LETMD1: variants seen among roughly 807,000 people sequenced by gnomAD.
LETMD1 encodes LETM1 domain-containing protein 1.
Under a neutral mutation model 43.9 loss-of-function variants are expected in LETMD1, and 30 were observed. The ratio of observed to expected loss-of-function variants is 0.68; its 90% CI spans 0.51 to 0.93. The LOEUF (loss-of-function observed/expected upper bound fraction) is 0.93, where lower values mean the gene tolerates loss of function less well. LETMD1 is among the 40% of genes least tolerant of loss of function. The pLI, the probability that LETMD1 is intolerant of heterozygous loss-of-function variation, is 0.00. For missense variants in LETMD1, 413 were observed against 447.7 expected (o/e 0.92, Z 0.70); for synonymous variants, 176 against 163.1 (o/e 1.08, Z -0.60).
chr12:51,055,689 AAC>A, intron 4 of LETMD1, 144 bp from the exon 5 acceptor site: 65 of 453,780 alleles, frequency 1.4e-4, no homozygotes, highest in Middle Eastern at 5.2e-4. Context: ...AAAAAAAAAA[AAC>A]TGAAAAAGAA....
Position 51,059,407 on chromosome 12 carries a change from CAACT to C in LETMD1, c.1061_1064del (p.Asn354ThrfsTer8). On this transcript the variant is annotated frameshift_variant, in exon 9 of 9. Transcript: ENST00000262055. LOFTEE classifies it high-confidence loss of function. ...TGCACAACGTGGTCCTGCTCTCCAC[CAACT>C]ACCTTGGGACAAGGCGCTGAATGAA... The C allele has an allele frequency of 6.2e-7, 1 of 1,614,184 alleles. No homozygotes were observed. Among genetic ancestry groups the C allele is most frequent in the Non-Finnish European group, 8.5e-7 (1 of 1,179,998 alleles).
At chr12:51,068,761 C>T in the LETMD1 span, among the ~76,000 whole-genome samples, 3 of 152,146 alleles carry the variant, frequency 2.0e-5, no homozygotes, top group East Asian at 3.9e-4. Flanking sequence ...CTTGCACCCA[C>T]TGAATGCAAA....
At chr12:51,057,146 G>A (rs1327245678) in intron 7 of LETMD1, among the ~76,000 whole-genome samples, 4 of 152,108 alleles carry the variant, frequency 2.6e-5, no homozygotes, top group African/African-American at 9.7e-5. Flanking sequence ...GCTGAGACAT[G>A]AGAATTGCTT....
downstream of LETMD1, chr12:51,062,995 A>G (rs1937723227): frequency 6.6e-6 from 1 of 152,290 alleles, no homozygotes; most frequent in African/African-American, 2.4e-5. Context: ...TCGTTATACC[A>G]TATCCCCAGC....
At chr12:51,048,697 C>T in intron 1 of LETMD1, 1 of 628,748 alleles carries the variant, frequency 1.6e-6, no homozygotes, top group South Asian at 2.0e-5. Context: ...CCCGCGTGTC[C>T]TGAGCTCATC....
the LETMD1 span, among the ~76,000 whole-genome samples, chr12:51,065,668 C>T: frequency 1.3e-5 from 2 of 152,000 alleles, no homozygotes; most frequent in Non-Finnish European, 2.9e-5. Context: ...CTATGTTGCC[C>T]AGGCTGGCCT....
At chr12:51,064,008 G>T, downstream of LETMD1, 1 of 1,614,218 alleles carries the variant, frequency 6.2e-7, no homozygotes, top group African/African-American at 1.3e-5. Flanking sequence ...CACGAGTGAG[G>T]TAACAGGGAG....
intron 7 of LETMD1, 175 bp from the exon 8 acceptor site, chr12:51,057,856 AC>A: frequency 1.5e-6 from 1 of 652,684 alleles, no homozygotes; most frequent in Non-Finnish European, 2.8e-6. Context: ...CCAACTCCTG[AC>A]CTCGTGATCC....
the LETMD1 span, among the ~76,000 whole-genome samples, chr12:51,065,956 A>G: frequency 6.6e-6 from 1 of 152,252 alleles, no homozygotes; most frequent in Non-Finnish European, 1.5e-5. Context: ...TAAGTTCCAG[A>G]TAAATTTCAT....
downstream of LETMD1, chr12:51,064,724 A>G: frequency 7.0e-7 from 1 of 1,420,004 alleles, no homozygotes. Context: ...CTAACAATGG[A>G]GACAGGAGAC....
intron 3 of LETMD1, among the ~76,000 whole-genome samples, chr12:51,053,099 C>T (rs778156765): frequency 7.4e-6 from 1 of 135,766 alleles, no homozygotes; most frequent in African/African-American, 2.6e-5. Flanking sequence ...GTGATAAGAG[C>T]AAAACTCTGT....
downstream of LETMD1, chr12:51,062,180 T>G (rs541939684): frequency 3.3e-4 from 50 of 152,346 alleles, no homozygotes; most frequent in African/African-American, 1.1e-3. Flanking sequence ...ACATACGTGA[T>G]GGTTTCTGTA....
rs1592509743 is a variant in LETMD1 at position 51,048,560 on chromosome 12, A to C, written c.122+82A>C. ...AACCTTGCTTGCATTCTGTCTCTTA[A>C]TTCTCAGAGTTCCACGCCTTGGCCC... On this transcript the variant is annotated intron_variant, in intron 1 of 8. Transcript: ENST00000262055. The C allele has an allele frequency of 4.5e-6, 7 of 1,541,154 alleles. No individual in the cohort carries two copies. The East Asian group carries it at 1.6e-4, about 35-fold the overall frequency.
downstream of LETMD1, chr12:51,063,829 C>A: frequency 6.2e-7 from 1 of 1,613,550 alleles, no homozygotes; most frequent in Non-Finnish European, 8.5e-7. Flanking sequence ...ATCCCACAGC[C>A]CTCTTCATTG....
chr12:51,067,429 C>T, the LETMD1 span, among the ~76,000 whole-genome samples: 1 of 152,154 alleles, frequency 6.6e-6, no homozygotes, highest in Admixed American at 6.6e-5. The surrounding 1 kb of genome is among the most constrained non-coding windows in gnomAD (Gnocchi z 4.1). Context: ...GCAGCCTTGA[C>T]CTCCTGGACT....
In LETMD1 at chr12:51,056,193, A is replaced by T; in HGVS notation, c.710A>T (p.Glu237Val). ...PAIHDILALR[E>V]CFSNHPLGMN... Reference sequence around the variant, plus strand: ...ATACATGATATCTTGGCTCTGAGAGAGTGTTTCTCTAACCATCCTCTGGGC... The same window carrying T: ...ATACATGATATCTTGGCTCTGAGAGTGTGTTTCTCTAACCATCCTCTGGGC... Residue 237 changes from glutamate to valine, a missense_variant, in exon 6 of 9, where the codon GAG becomes GTG. Coordinates refer to ENST00000262055, the MANE Select transcript of LETMD1 (RefSeq NM_015416.5). The T allele has an allele frequency of 1.2e-6, 2 of 1,614,194 alleles. No individual in the cohort carries two copies. The highest frequency in any genetic ancestry group is 1.7e-6 in the Non-Finnish European group (2 of 1,180,040).
intron 2 of LETMD1, among the ~76,000 whole-genome samples, chr12:51,051,460 C>A (rs1300770485): frequency 6.6e-6 from 1 of 151,540 alleles, no homozygotes; most frequent in African/African-American, 2.4e-5. Flanking sequence ...GTAATCCCAG[C>A]ACTTTGGGAG....
chr12:51,048,561 T>C, intron 1 of LETMD1, 83 bp downstream of exon 1: 1 of 1,533,122 alleles, frequency 6.5e-7, no homozygotes, highest in Non-Finnish European at 8.9e-7. Flanking sequence ...TGTCTCTTAA[T>C]TCTCAGAGTT....
At chr12:51,051,260 C>T (rs773628833) in intron 2 of LETMD1, among the ~76,000 whole-genome samples, 2 of 151,226 alleles carry the variant, frequency 1.3e-5, no homozygotes, top group Non-Finnish European at 2.9e-5. Context: ...AAAAATTAGC[C>T]AGGTGTGGTG....
Sources: gnomAD v4.1 joint callset for allele counts (sites outside exome capture counted in the v4.1 genomes callset) on GRCh38, gnomAD v4.1.1 for gene constraint, Gnocchi (gnomAD v3.1) non-coding constraint, MANE v1.5 for transcripts, NCBI Gene and HGNC (gene_info 2026-07-23, HGNC 2026-07-21) for gene names.